RERE: variants seen among roughly 807,000 people sequenced by gnomAD.
The protein encoded by RERE is arginine-glutamic acid dipeptide repeats protein.
In RERE, 40 loss-of-function variants were observed where a neutral mutation model predicts 146.1. The observed-to-expected ratio is 0.27, with a 90% CI of 0.21 to 0.36. The LOEUF (loss-of-function observed/expected upper bound fraction) is 0.36, where lower values mean the gene tolerates loss of function less well. Among genes scored for constraint, RERE ranks in the 10% least tolerant of loss-of-function variants. The pLI, the probability that RERE is intolerant of heterozygous loss-of-function variation, is 1.00. For missense variants in RERE, 1,933 were observed against 2,138.7 expected (o/e 0.90, Z 1.90); for synonymous variants, 1,003 against 866.0 (o/e 1.16, Z -2.78).
chr1:8,357,751 G>A (rs1379752333), intron 20 of RERE, among the ~76,000 whole-genome samples: 1 of 152,250 alleles, frequency 6.6e-6, no homozygotes, highest in African/African-American at 2.4e-5. Flanking sequence ...CTCAGCCAAA[G>A]CCAGCAGGAG....
intron 7 of RERE, among the ~76,000 whole-genome samples, chr1:8,519,002 C>T (rs554837302): frequency 1.6e-4 from 25 of 152,326 alleles, no homozygotes; most frequent in African/African-American, 5.5e-4. Context: ...TCCCATGACA[C>T]TGTCACACCC....
At chr1:8,526,694 G>C (rs1293963715) in intron 7 of RERE, among the ~76,000 whole-genome samples, 1 of 152,118 alleles carries the variant, frequency 6.6e-6, no homozygotes, top group East Asian at 1.9e-4. Context: ...AGTAATACTA[G>C]CCCAATCAAG....
At chr1:8,532,817 AC>A (rs1645674420) in intron 7 of RERE, among the ~76,000 whole-genome samples, 1 of 151,478 alleles carries the variant, frequency 6.6e-6, no homozygotes, top group Admixed American at 6.6e-5. Flanking sequence ...CTGGTCTTGA[AC>A]TCCTGACCTC....
At chr1:8,530,969 G>C (rs1336020060) in intron 7 of RERE, among the ~76,000 whole-genome samples, 1 of 151,982 alleles carries the variant, frequency 6.6e-6, no homozygotes, top group African/African-American at 2.4e-5. Context: ...GGGATTACAG[G>C]CGTGAGCCAC....
intron 12 of RERE, among the ~76,000 whole-genome samples, chr1:8,415,788 G>A (rs1012973244): frequency 3.9e-5 from 6 of 152,140 alleles, no homozygotes; most frequent in African/African-American, 7.2e-5. Context: ...TTCGAGCCTC[G>A]GCTCCATTTT....
Position 8,360,750 on chromosome 1 carries a change from T to C in RERE, c.2757A>G (p.Pro919=). The C allele has an allele frequency of 6.3e-7, 1 of 1,599,120 alleles. No homozygotes were observed. Among genetic ancestry groups the C allele is most frequent in the Non-Finnish European group, 8.5e-7 (1 of 1,176,306 alleles). The change falls in exon 18 of 23, where the codon CCA becomes CCG. Residue 919 remains proline (P), a synonymous_variant. Coordinates refer to ENST00000400908, the MANE Select transcript of RERE (RefSeq NM_001042681.2). ...TGTGGGGCATGGCCAAGGGCGCTGG[T>C]GGCAGGGGCTGCTCCCGTGGAGGCT... The part of the protein sequence containing the change: ...SQQPPREQPL[P]PAPLAMPHIK...
At chr1:8,681,834 T>A (rs1638979124) in intron 1 of RERE, among the ~76,000 whole-genome samples, 1 of 152,186 alleles carries the variant, frequency 6.6e-6, no homozygotes, top group South Asian at 2.1e-4. Flanking sequence ...AGCCATTAAA[T>A]AAGTAGGACA....
chr1:8,407,844 C>T (rs935829199), intron 12 of RERE, among the ~76,000 whole-genome samples: 3 of 152,126 alleles, frequency 2.0e-5, no homozygotes, highest in African/African-American at 7.2e-5. Context: ...GGATCAAAGG[C>T]GTGCTGCTGT....
At chr1:8,486,219 C>G (rs1368496764) in intron 10 of RERE, among the ~76,000 whole-genome samples, 1 of 152,136 alleles carries the variant, frequency 6.6e-6, no homozygotes. Context: ...CATAACAGCA[C>G]ACCCAGTAAC....
intron 12 of RERE, among the ~76,000 whole-genome samples, chr1:8,410,663 G>A (rs546268630): frequency 1.3e-5 from 2 of 152,236 alleles, no homozygotes; most frequent in South Asian, 2.1e-4. Context: ...GACTTCCTTC[G>A]GCAAGGCCTT....
chr1:8,754,006 T>C (rs970552577), intron 1 of RERE, among the ~76,000 whole-genome samples: 7 of 152,194 alleles, frequency 4.6e-5, no homozygotes, highest in African/African-American at 1.7e-4. Flanking sequence ...CATAATCATA[T>C]ACCCCTAATT....
At chr1:8,532,052 T>C (rs1019257324) in intron 7 of RERE, among the ~76,000 whole-genome samples, 1 of 152,212 alleles carries the variant, frequency 6.6e-6, no homozygotes, top group African/African-American at 2.4e-5. Flanking sequence ...ATACATACGC[T>C]ATGTATCCAC....
At chr1:8,463,866 C>T (rs1203639749) in intron 11 of RERE, among the ~76,000 whole-genome samples, 2 of 152,240 alleles carry the variant, frequency 1.3e-5, no homozygotes, top group Non-Finnish European at 2.9e-5. Flanking sequence ...CCGCCTAGGC[C>T]AGGCTGAGAG....
At chr1:8,512,134 C>T (rs1468683975) in intron 7 of RERE, among the ~76,000 whole-genome samples, 1 of 144,212 alleles carries the variant, frequency 6.9e-6, no homozygotes, top group Non-Finnish European at 1.5e-5. Flanking sequence ...CCCGGGTTCA[C>T]GCCATTCTCC....
At chr1:8,773,546 C>T (rs1640996629) in intron 1 of RERE, among the ~76,000 whole-genome samples, 1 of 152,180 alleles carries the variant, frequency 6.6e-6, no homozygotes, top group South Asian at 2.1e-4. Context: ...CAAAAATTAG[C>T]TGGGCACGGT....
At chr1:8,704,380 A>C (rs1304832824) in intron 1 of RERE, among the ~76,000 whole-genome samples, 1 of 152,218 alleles carries the variant, frequency 6.6e-6, no homozygotes, top group African/African-American at 2.4e-5. Context: ...GTGTCAACCC[A>C]AATTAGAAAG....
intron 19 of RERE, 67 bp from the exon 20 acceptor site, chr1:8,358,983 C>G (rs187697662): frequency 6.8e-7 from 1 of 1,478,580 alleles, no homozygotes; most frequent in South Asian, 1.4e-5. Context: ...GTCCACACTG[C>G]GGAGGTGGGC....
intron 7 of RERE, among the ~76,000 whole-genome samples, chr1:8,518,306 G>A (rs1645447786): frequency 6.6e-6 from 1 of 152,156 alleles, no homozygotes; most frequent in African/African-American, 2.4e-5. Flanking sequence ...TGTAGCCTGT[G>A]GCCCATTCCC....
Position 8,624,248 on chromosome 1 carries a change from C to A in RERE, c.396+62G>T, listed in dbSNP as rs1032360095. Reference sequence around the variant, plus strand: ...GCGATGGAGGAACAATAAGAGATAGCCAATGGAACTGGAAAAAGAGAGAAT... The same window carrying A: ...GCGATGGAGGAACAATAAGAGATAGACAATGGAACTGGAAAAAGAGAGAAT... On this transcript the variant is annotated intron_variant, in intron 3 of 22. Coordinates refer to ENST00000400908, the MANE Select transcript of RERE (RefSeq NM_001042681.2). 3.2e-6 allele frequency: 4 copies of A among 1,268,780 alleles called. No individual in the cohort carries two copies. In the African/African-American group the frequency reaches 5.9e-5, roughly 19 times the overall value. 78.6% of individuals were successfully genotyped at this position (1,268,780 alleles called of 1,614,324 possible).
Sources: allele counts gnomAD v4.1 joint callset (sites outside exome capture counted in the v4.1 genomes callset), GRCh38; gene constraint gnomAD v4.1.1; transcripts MANE v1.5; gene names NCBI Gene and HGNC (gene_info 2026-07-23, HGNC 2026-07-21).